ASXL3: variants seen among roughly 807,000 people sequenced by gnomAD.
ASXL3 encodes ASXL transcriptional regulator 3, also known as putative Polycomb group protein ASXL3.
In ASXL3, 34 loss-of-function variants were observed where a neutral mutation model predicts 170.6. That is an observed-to-expected ratio of 0.20 (90% confidence interval 0.15 to 0.27). The LOEUF is 0.27. Ranked by LOEUF, ASXL3 falls within the 10% of genes least tolerant of loss-of-function variation. The pLI is 1.00. For missense variants in ASXL3, 2,592 were observed against 2,695.3 expected (o/e 0.96, Z 0.85); for synonymous variants, 1,002 against 989.1 (o/e 1.01, Z -0.24).
At chr18:33,594,222 G>A (rs910132831) in intron 1 of ASXL3, among the ~76,000 whole-genome samples, 1 of 152,186 alleles carries the variant, frequency 6.6e-6, no homozygotes, top group African/African-American at 2.4e-5. Flanking sequence ...CAACCTCTGG[G>A]AAAAATCTAA....
chr18:33,688,579 T>C (rs1338672338), intron 8 of ASXL3, among the ~76,000 whole-genome samples: 4 of 152,012 alleles, frequency 2.6e-5, no homozygotes, highest in South Asian at 4.2e-4. Context: ...AGAGTGTGGA[T>C]AAAAAAGAGG....
chr18:33,640,565 A>T (rs1203337577), intron 2 of ASXL3, among the ~76,000 whole-genome samples: 1 of 152,118 alleles, frequency 6.6e-6, no homozygotes, highest in Non-Finnish European at 1.5e-5. Flanking sequence ...ATTCAAAAAT[A>T]ATTTTCGTGA....
rs1306732224 is a variant in ASXL3, at chr18:33,739,386, A to G, written c.1982A>G (p.Lys661Arg). The change falls in exon 11 of 12, where the codon AAA (lysine) becomes AGA (arginine). Residue 661 changes from lysine to arginine, a missense_variant. Lys to Arg is a conservative substitution (Grantham distance 26). Around this residue, in one of 4 missense-constraint regions of ASXL3, gnomAD observed 2,246 missense variants for 2,219.6 expected, o/e 1.01. Transcript: ENST00000269197. ...SEVSSTENTD[K>R]YNQRNSTDEN... ...GTATCTAGCACTGAAAATACAGACA[A>G]ATACAACCAGAGAAATTCCACTGAT... is the stretch of plus-strand genomic sequence containing the variant. The G allele has an allele frequency of 2.5e-6, 4 of 1,613,698 alleles. No homozygotes were observed. Among genetic ancestry groups the G allele is most frequent in the African/African-American group, 1.3e-5 (1 of 74,910 alleles).
At chr18:33,596,300 C>A (rs2065126185) in intron 1 of ASXL3, among the ~76,000 whole-genome samples, 1 of 152,090 alleles carries the variant, frequency 6.6e-6, no homozygotes, top group African/African-American at 2.4e-5. Context: ...CTGTAGTAAG[C>A]CAGAGAGTAA....
chr18:33,580,109 T>C (rs1452758876), intron 1 of ASXL3, among the ~76,000 whole-genome samples: 2 of 152,222 alleles, frequency 1.3e-5, no homozygotes, highest in Non-Finnish European at 2.9e-5. Flanking sequence ...TTACTTAATC[T>C]CTTAATTTTG....
At chr18:33,646,702 T>C (rs2065919701) in intron 4 of ASXL3, among the ~76,000 whole-genome samples, 1 of 151,844 alleles carries the variant, frequency 6.6e-6, no homozygotes, top group Admixed American at 6.6e-5. Context: ...TTATTTCTGA[T>C]TGTGCTGATT....
chr18:33,741,830 A>C (rs963026479), intron 11 of ASXL3, among the ~76,000 whole-genome samples: 1 of 152,196 alleles, frequency 6.6e-6, no homozygotes, highest in Non-Finnish European at 1.5e-5. Flanking sequence ...GCACAGCCTC[A>C]GTTTCCTCAA....
intron 8 of ASXL3, among the ~76,000 whole-genome samples, chr18:33,727,927 A>C (rs975621411): frequency 4.6e-5 from 7 of 152,150 alleles, no homozygotes; most frequent in Non-Finnish European, 1.0e-4. Flanking sequence ...TAAAATAAAA[A>C]TATTTTCCTC....
At position 33,746,346 on chromosome 18, in the gene ASXL3, G is replaced by C. The variant is rs369619299; in HGVS notation, c.6498G>C (p.Arg2166Ser). The C allele has an allele frequency of 1.2e-6, 2 of 1,613,806 alleles. No homozygotes were observed. The highest frequency in any genetic ancestry group is 2.7e-5 in the African/African-American group (2 of 74,906). The change falls in exon 12 of 12, where the codon AGG (arginine) becomes AGC (serine). Residue 2166 changes from arginine to serine, a missense_variant. By Grantham distance (110) the Arg-to-Ser change is moderately radical. This residue lies in a region of ASXL3 where 2,246 missense variants were observed against 2,219.6 expected (regional missense o/e 1.01). Coordinates refer to ENST00000269197, the MANE Select transcript of ASXL3 (RefSeq NM_030632.3). ...ACTTTGGTAGCACGAGTTTCAAAAG[G>C]GCAGCATCTGCAATTGAAAAGTCCA... ...TIHFGSTSFKRAASAIEKSIG... is the reference protein window; with the variant it reads ...TIHFGSTSFKSAASAIEKSIG...
intron 1 of ASXL3, among the ~76,000 whole-genome samples, chr18:33,604,280 A>C (rs552934779): frequency 6.6e-6 from 1 of 152,190 alleles, no homozygotes; most frequent in Non-Finnish European, 1.5e-5. Flanking sequence ...TATTAGCAAT[A>C]GAACGTGGGA....
chr18:33,646,833 A>G (rs1304925143), intron 4 of ASXL3, among the ~76,000 whole-genome samples: 1 of 129,994 alleles, frequency 7.7e-6, no homozygotes, highest in Non-Finnish European at 1.6e-5. Flanking sequence ...TTTTCTTGTT[A>G]GACACTTTTA....
At chr18:33,680,593 T>C (rs2066499392) in intron 7 of ASXL3, among the ~76,000 whole-genome samples, 1 of 152,056 alleles carries the variant, frequency 6.6e-6, no homozygotes, top group Non-Finnish European at 1.5e-5. Context: ...GTCAATTTCT[T>C]TTTTATTACC....
chr18:33,595,642 T>C (rs2065119237), intron 1 of ASXL3, among the ~76,000 whole-genome samples: 1 of 152,182 alleles, frequency 6.6e-6, no homozygotes, highest in South Asian at 2.1e-4. Context: ...TCTCCCATCC[T>C]CTCTCTGCAG....
At chr18:33,612,481 T>C (rs1056451124) in intron 2 of ASXL3, among the ~76,000 whole-genome samples, 4 of 152,102 alleles carry the variant, frequency 2.6e-5, no homozygotes, top group Non-Finnish European at 5.9e-5. Context: ...CCAGATTTTG[T>C]CATTATTCTA....
chr18:33,670,603 CA>C, intron 5 of ASXL3, 69 bp from the exon 6 acceptor site: 1 of 1,144,676 alleles, frequency 8.7e-7, no homozygotes, highest in Admixed American at 2.5e-5. Context: ...ACAAATGAGT[CA>C]CTTAATTCAA....
At chr18:33,698,964 T>C (rs2066823003) in intron 8 of ASXL3, among the ~76,000 whole-genome samples, 1 of 152,088 alleles carries the variant, frequency 6.6e-6, no homozygotes. Context: ...ATAGGGAAAG[T>C]TGCTTCACTA....
intron 1 of ASXL3, chr18:33,578,979 T>C: frequency 5.6e-6 from 1 of 177,910 alleles, no homozygotes. Context: ...CACGGGTGAA[T>C]TTCCGAGCGC....
chr18:33,612,940 T>C (rs1156389711), intron 2 of ASXL3, among the ~76,000 whole-genome samples: 2 of 152,122 alleles, frequency 1.3e-5, no homozygotes, highest in Admixed American at 6.6e-5. Flanking sequence ...TAGCTCACAG[T>C]GTCATCCCTG....
intron 1 of ASXL3, among the ~76,000 whole-genome samples, chr18:33,590,089 C>T (rs1164153083): frequency 4.8e-5 from 6 of 124,134 alleles, no homozygotes; most frequent in East Asian, 2.0e-4. Flanking sequence ...TAGAGAATGT[C>T]GTCAAGGTAT....
Sources: gnomAD v4.1 joint callset for allele counts (sites outside exome capture counted in the v4.1 genomes callset) on GRCh38, gnomAD v4.1.1 for gene constraint, gnomAD v4.1.1 regional missense constraint, MANE v1.5 for transcripts, NCBI Gene and HGNC (gene_info 2026-07-23, HGNC 2026-07-21) for gene names.